Variants in MAP3K5 observed in about 807,000 individuals in gnomAD.
The protein encoded by MAP3K5 is ASK-1.
MAP3K5 carries 56 observed loss-of-function variants against 158.7 expected under a neutral mutation model. That is an observed-to-expected ratio of 0.35 (90% CI 0.28 to 0.44). The LOEUF is 0.44. MAP3K5 is among the 20% of genes least tolerant of loss of function. The probability of loss-of-function intolerance (pLI) is 1.00; values close to 1 mark genes in which losing one functional copy is unlikely to be tolerated. For missense variants in MAP3K5, 1,294 were observed against 1,674.8 expected (o/e 0.77, Z 3.97); for synonymous variants, 579 against 601.7 (o/e 0.96, Z 0.55).
chr6:136,607,073 C>T (rs549407277), intron 18 of MAP3K5, among the ~76,000 whole-genome samples: 18 of 152,326 alleles, frequency 1.2e-4, no homozygotes, highest in African/African-American at 3.1e-4. Flanking sequence ...CAAAGACGCT[C>T]GCCCACCTTT....
chr6:136,638,460 T>C (rs1331889476), intron 13 of MAP3K5, among the ~76,000 whole-genome samples: 1 of 152,210 alleles, frequency 6.6e-6, no homozygotes, highest in African/African-American at 2.4e-5. Context: ...CAAGACTACT[T>C]TTTTAATTCT....
intron 7 of MAP3K5, among the ~76,000 whole-genome samples, chr6:136,692,816 C>T (rs961428557): frequency 1.3e-5 from 2 of 152,196 alleles, no homozygotes; most frequent in South Asian, 2.1e-4. Flanking sequence ...ATTAGCCAGG[C>T]GTGGTGGCAC....
intron 8 of MAP3K5, among the ~76,000 whole-genome samples, chr6:136,660,593 G>A (rs1778964809): frequency 6.6e-6 from 1 of 151,840 alleles, no homozygotes; most frequent in African/African-American, 2.4e-5. Flanking sequence ...ACTATGTCTT[G>A]TATTATTTTT....
intron 23 of MAP3K5, among the ~76,000 whole-genome samples, chr6:136,587,057 G>C (rs1400384449): frequency 6.6e-6 from 1 of 152,096 alleles, no homozygotes; most frequent in Non-Finnish European, 1.5e-5. Flanking sequence ...TCCCTCTAGA[G>C]AACCCTGACT....
At chr6:136,646,107 A>G (rs1394886081) in intron 11 of MAP3K5, among the ~76,000 whole-genome samples, 1 of 152,196 alleles carries the variant, frequency 6.6e-6, no homozygotes, top group Non-Finnish European at 1.5e-5. Flanking sequence ...TGAATACACT[A>G]TGGATAGAAT....
chr6:136,725,110 G>C (rs1254740068), intron 1 of MAP3K5, among the ~76,000 whole-genome samples: 1 of 152,192 alleles, frequency 6.6e-6, no homozygotes, highest in Non-Finnish European at 1.5e-5. Flanking sequence ...CCATTCACAG[G>C]TTTGAGGACA....
intron 21 of MAP3K5, among the ~76,000 whole-genome samples, chr6:136,593,244 A>G (rs937457076): frequency 6.6e-6 from 1 of 152,246 alleles, no homozygotes; most frequent in African/African-American, 2.4e-5. Context: ...GTTCTCAGAT[A>G]CTATGATTCT....
At chr6:136,602,028 C>T (rs980178259) in intron 19 of MAP3K5, 49 bp from the exon 20 acceptor site, 39 of 1,493,472 alleles carry the variant, frequency 2.6e-5, no homozygotes, top group Non-Finnish European at 3.5e-5. Flanking sequence ...GTGAACATCT[C>T]AGCACCTGAA....
At chr6:136,620,081 C>A (rs1394746168) in intron 15 of MAP3K5, among the ~76,000 whole-genome samples, 1 of 152,126 alleles carries the variant, frequency 6.6e-6, no homozygotes, top group African/African-American at 2.4e-5. Flanking sequence ...ACCAGCCTGG[C>A]CAACATGGTG....
Position 136,613,339 on chromosome 6 carries a change from G to A in MAP3K5, c.2279-83C>T. On this transcript the variant is annotated intron_variant, in intron 16 of 29. Coordinates refer to ENST00000359015, the MANE Select transcript of MAP3K5 (RefSeq NM_005923.4). This position sits in a 1 kb window ranked among gnomAD's most constrained non-coding sequence, Gnocchi z 4.0. ...TATTAATAATGTAACAGTAATTTAA[G>A]CTAACAGTCATTGGTTCTTCACAGT... 2 of 1,263,190 alleles carry A rather than the reference G, an allele frequency of 1.6e-6. No homozygotes were observed. Among genetic ancestry groups the A allele is most frequent in the South Asian group, 1.5e-5 (1 of 65,380 alleles). The allele number at this position is 1,263,190 out of a possible 1,614,324, so 78.2% of individuals were successfully genotyped here. A position where few individuals can be genotyped will look rare whatever the true frequency, so the allele number is the denominator to read the frequency against.
chr6:136,670,943 C>G (rs1409183210), intron 7 of MAP3K5, among the ~76,000 whole-genome samples: 3 of 152,056 alleles, frequency 2.0e-5, no homozygotes, highest in African/African-American at 7.2e-5. Context: ...GTATATACAC[C>G]TAGACTACAG....
chr6:136,656,894 T>C (rs565096085), intron 9 of MAP3K5, among the ~76,000 whole-genome samples: 3 of 152,332 alleles, frequency 2.0e-5, no homozygotes, highest in African/African-American at 7.2e-5. Flanking sequence ...CGTGCTGGGA[T>C]TGCAGGTGTG....
chr6:136,570,531 A>G (rs1488618525), intron 25 of MAP3K5, among the ~76,000 whole-genome samples: 1 of 152,234 alleles, frequency 6.6e-6, no homozygotes. Flanking sequence ...CTTAAAGTCA[A>G]CAATCTAAAG....
At chr6:136,656,486 G>A (rs754779457) in intron 9 of MAP3K5, 26 bp from the exon 10 acceptor site, 10 of 1,474,720 alleles carry the variant, frequency 6.8e-6, no homozygotes, top group Non-Finnish European at 9.2e-6. Context: ...TATAAAACAT[G>A]TAACAGACAA....
At chr6:136,617,426 A>G (rs1052695712) in intron 15 of MAP3K5, among the ~76,000 whole-genome samples, 1 of 152,210 alleles carries the variant, frequency 6.6e-6, no homozygotes, top group Non-Finnish European at 1.5e-5. Context: ...CTATTAATCC[A>G]TAGGTATCGC....
rs1779365693 is a variant in MAP3K5 at position 136,669,320 on chromosome 6, T to C, written c.1329A>G (p.Gly443=). ...GCTCAAAGGAAGATTCAAACTGGTG[T>C]CCAGCTGCCAGGAGGAGGACCGCAT... The part of the protein sequence containing the change: ...INYAVLLLAA[G]HQFESSFELR... Residue 443 remains glycine, a synonymous_variant, in exon 8 of 30, where the codon GGA becomes GGG. Coordinates refer to ENST00000359015, the MANE Select transcript of MAP3K5 (RefSeq NM_005923.4). 6.2e-7 allele frequency: 1 copy of C among 1,613,780 alleles called. No individual in the cohort carries two copies. Among genetic ancestry groups the C allele is most frequent in the African/African-American group, 1.3e-5 (1 of 74,938 alleles).
intron 9 of MAP3K5, among the ~76,000 whole-genome samples, chr6:136,658,463 C>T (rs1449255762): frequency 6.6e-6 from 1 of 151,566 alleles, no homozygotes; most frequent in Non-Finnish European, 1.5e-5. Flanking sequence ...TACAGGCACC[C>T]GCGATCATGC....
intron 15 of MAP3K5, among the ~76,000 whole-genome samples, chr6:136,621,401 G>A (rs564425347): frequency 6.6e-6 from 1 of 152,188 alleles, no homozygotes; most frequent in East Asian, 1.9e-4. Flanking sequence ...TAATATCCCC[G>A]CCATATCTGG....
At chr6:136,782,075 G>T (rs946141742) in intron 1 of MAP3K5, among the ~76,000 whole-genome samples, 16 of 151,188 alleles carry the variant, frequency 1.1e-4, no homozygotes, top group South Asian at 1.0e-3. Context: ...AAAAAAAAGG[G>T]TATTTGACAT....
Sources: allele counts gnomAD v4.1 joint callset (sites outside exome capture counted in the v4.1 genomes callset), GRCh38; gene constraint gnomAD v4.1.1; non-coding constraint Gnocchi (gnomAD v3.1); transcripts MANE v1.5; gene names NCBI Gene and HGNC (gene_info 2026-07-23, HGNC 2026-07-21).